The following SEPHS1 variants were observed in gnomAD, a reference collection of about 807,000 sequenced individuals.
The protein encoded by SEPHS1 is selenophosphate synthetase 1, also known as zincore component SEPHS1.
In SEPHS1, 7 loss-of-function variants were observed where a neutral mutation model predicts 39.2. That is an observed-to-expected ratio of 0.18 (90% CI 0.10 to 0.34). SEPHS1 has a LOEUF of 0.34. Among genes scored for constraint, SEPHS1 ranks in the 10% least tolerant of loss-of-function variants. The pLI, the probability that SEPHS1 is intolerant of heterozygous loss-of-function variation, is 1.00. For missense variants in SEPHS1, 253 were observed against 514.5 expected, an observed-to-expected ratio of 0.49 and a Z score of 4.92; for synonymous variants, 190 against 195.5, an observed-to-expected ratio of 0.97 and a Z score of 0.23.
intron 7 of SEPHS1, among the ~76,000 whole-genome samples, chr10:13,325,943 T>A (rs1200887190): frequency 1.6e-4 from 3 of 18,924 alleles, no homozygotes; most frequent in Non-Finnish European, 2.6e-4. Context: ...AGAGACTCAG[T>A]CTCAAAAAAA....
intron 7 of SEPHS1, among the ~76,000 whole-genome samples, chr10:13,327,661 T>C (rs968227943): frequency 3.0e-4 from 46 of 152,188 alleles, no homozygotes; most frequent in Admixed American, 2.8e-3. Flanking sequence ...AGTTTGGCAC[T>C]ATCTATAAAA....
In SEPHS1 at chr10:13,347,712, C is replaced by T. The variant is rs1008764327; in HGVS notation, c.-79+288G>A. On this transcript the variant is annotated intron_variant, in intron 1 of 8. Coordinates refer to ENST00000327347, the MANE Select transcript of SEPHS1 (RefSeq NM_012247.5). ...AATGTCGGCGGGCGAAAAAATTAAC[C>T]CCTGCGTGGCCGCCGCCGCCCTCCC... is the stretch of plus-strand genomic sequence containing the variant. Among the ~76,000 whole-genome samples, 109 of 147,328 alleles carry T rather than the reference C, an allele frequency of 7.4e-4. 1 individual carries two copies. The highest frequency in any genetic ancestry group is 4.2e-4 in the Non-Finnish European group (28 of 66,042).
chr10:13,344,719 T>C (rs376287145), intron 2 of SEPHS1, 39 bp downstream of exon 2: 93 of 1,346,738 alleles, frequency 6.9e-5, no homozygotes, highest in Admixed American at 3.1e-4. Context: ...GACTCACTGA[T>C]TGGATCGCAG....
chr10:13,325,649 T>G (rs1354241591), intron 7 of SEPHS1, among the ~76,000 whole-genome samples: 2 of 152,120 alleles, frequency 1.3e-5, no homozygotes, highest in Non-Finnish European at 2.9e-5. Flanking sequence ...GCATGGTGGC[T>G]CACGCCTGCA....
At chr10:13,320,181 C>A (rs1484326314) in intron 8 of SEPHS1, among the ~76,000 whole-genome samples, 1 of 152,044 alleles carries the variant, frequency 6.6e-6, no homozygotes, top group Non-Finnish European at 1.5e-5. Flanking sequence ...AGTAAATAGG[C>A]CATAAATTTT....
rs568471755 is a variant in SEPHS1, at chr10:13,346,852, A to G, written c.-79+1148T>C. Among the ~76,000 whole-genome samples the G allele has an allele frequency of 5.3e-5, 8 of 152,272 alleles. No homozygotes were observed. The South Asian group carries it at 8.3e-4, about 16-fold the overall frequency. On this transcript the variant is annotated intron_variant, in intron 1 of 8. Coordinates refer to ENST00000327347, the MANE Select transcript of SEPHS1 (RefSeq NM_012247.5). ...GGCTATCACTTCCTTTTAAATTACT[A>G]TCTTCTCAAGAGTTTTAAGGGTGGA... is the stretch of plus-strand genomic sequence containing the variant.
chr10:13,347,220 C>T (rs1467187259), intron 1 of SEPHS1: 1 of 152,068 alleles, frequency 6.6e-6, no homozygotes, highest in East Asian at 1.9e-4. Context: ...CGTGGGGAGC[C>T]GGGGAGCCGG....
chr10:13,333,126 A>T (rs1833518784), intron 5 of SEPHS1, among the ~76,000 whole-genome samples: 1 of 146,090 alleles, frequency 6.8e-6, no homozygotes, highest in Admixed American at 6.7e-5. Flanking sequence ...ATTATATCTT[A>T]ATACATCTAT....
At chr10:13,322,674 C>T (rs1219446002) in intron 8 of SEPHS1, among the ~76,000 whole-genome samples, 161 bp downstream of exon 8, 5 of 152,140 alleles carry the variant, frequency 3.3e-5, no homozygotes, top group African/African-American at 1.2e-4. Flanking sequence ...GGGGACCAGA[C>T]CCACCGGGAG....
chr10:13,325,959 A>ATAAT (rs1251838920), intron 7 of SEPHS1, among the ~76,000 whole-genome samples: 8 of 108,010 alleles, frequency 7.4e-5, no homozygotes, highest in Non-Finnish European at 1.1e-4. Flanking sequence ...AAAAAAAAAA[A>ATAAT]AAAAATAATA....
intron 1 of SEPHS1, among the ~76,000 whole-genome samples, chr10:13,346,715 C>A (rs1035194017): frequency 6.6e-6 from 1 of 151,552 alleles, no homozygotes; most frequent in African/African-American, 2.4e-5. Flanking sequence ...TCACCCCTAC[C>A]AGGAAAAAAA....
chr10:13,322,298 C>T (rs370673996), intron 8 of SEPHS1, among the ~76,000 whole-genome samples: 27 of 151,878 alleles, frequency 1.8e-4, no homozygotes, highest in African/African-American at 2.9e-4. Flanking sequence ...TGGACCACCA[C>T]GCCCAGCTAC....
chr10:13,327,240 C>CAAA lies in SEPHS1; in HGVS notation c.751+1108_751+1110dup, dbSNP rs34788028. On this transcript the variant is annotated intron_variant, in intron 7 of 8. Transcript: ENST00000327347. ...TGGGCGACAGAGTTAGATTCTGTCT[C>CAAA]AAAAAAAAAAAAAAAAAAAAAAAAA... Among the ~76,000 whole-genome samples, 242 of 82,772 alleles carry CAAA rather than the reference C, an allele frequency of 2.9e-3. 12 individuals carry two copies. Among genetic ancestry groups the CAAA allele is most frequent in the Middle Eastern group, 0.01 (1 of 100 alleles). The allele number at this position is 82,772 out of a possible 152,430, so 54.3% of individuals were successfully genotyped here.
intron 7 of SEPHS1, among the ~76,000 whole-genome samples, chr10:13,328,016 GT>G (rs2131700236): frequency 7.1e-6 from 1 of 141,818 alleles, no homozygotes; most frequent in South Asian, 2.5e-4. Flanking sequence ...CCAAGGTTAT[GT>G]TCTGGAAATA....
Position 13,334,005 on chromosome 10 carries a change from A to G in SEPHS1, c.406-34T>C, listed in dbSNP as rs201987640. On this transcript the variant is annotated intron_variant, in intron 4 of 8. Transcript: ENST00000327347. Reference sequence around the variant, plus strand: ...GAAAAAGGTACAAATAAAAAGTCAAAGAATTCTGTTCAAAACCCAGAAAAG... The same window carrying G: ...GAAAAAGGTACAAATAAAAAGTCAAGGAATTCTGTTCAAAACCCAGAAAAG... The G allele has an allele frequency of 1.1e-5, 17 of 1,573,876 alleles. No homozygotes were observed. In the Admixed American group the frequency reaches 2.0e-4, roughly 18 times the overall value.
chr10:13,326,141 A>C (rs1431994708), intron 7 of SEPHS1, among the ~76,000 whole-genome samples: 1 of 151,764 alleles, frequency 6.6e-6, no homozygotes, highest in African/African-American at 2.4e-5. Flanking sequence ...TGGTGAAAAG[A>C]CTCTTTTCTC....
At chr10:13,329,945 C>T (rs1215846425) in intron 5 of SEPHS1, among the ~76,000 whole-genome samples, 157 bp from the exon 6 acceptor site, 3 of 152,174 alleles carry the variant, frequency 2.0e-5, no homozygotes, top group Non-Finnish European at 4.4e-5. Flanking sequence ...CAGAGCCTTG[C>T]AACCTGCTAC....
At chr10:13,337,517 T>G (rs973410520) in intron 3 of SEPHS1, among the ~76,000 whole-genome samples, 5 of 152,350 alleles carry the variant, frequency 3.3e-5, no homozygotes, top group African/African-American at 9.6e-5. Flanking sequence ...TTTAATTGCT[T>G]GCTTTAGGCT....
In SEPHS1 at chr10:13,336,543, G is replaced by T. The variant is rs1049109070; in HGVS notation, c.298-193C>A. The T allele has an allele frequency of 5.0e-6, 3 of 597,864 alleles. No individual in the cohort carries two copies. In the Admixed American group the frequency reaches 8.6e-5, roughly 17 times the overall value. 37.0% of individuals were successfully genotyped at this position (597,864 alleles called of 1,614,324 possible). A position where few individuals can be genotyped will look rare whatever the true frequency, so the allele number is the denominator to read the frequency against. On this transcript the variant is annotated intron_variant, in intron 3 of 8. Coordinates refer to ENST00000327347, the MANE Select transcript of SEPHS1 (RefSeq NM_012247.5). ...GCATCACAGAGTCACTAGGCCATTC[G>T]TTTTTTCTCAGACATTCCTGTTACC...
Sources: allele counts gnomAD v4.1 joint callset (sites outside exome capture counted in the v4.1 genomes callset), GRCh38; gene constraint gnomAD v4.1.1; transcripts MANE v1.5; gene names NCBI Gene and HGNC (gene_info 2026-07-23, HGNC 2026-07-21).